The following MOCOS variants were observed in gnomAD, a reference collection of about 807,000 sequenced individuals.
MOCOS encodes molybdenum cofactor sulfurase, also known as human molybdenum cofactor sulfurase.
In MOCOS, 86 loss-of-function variants were observed where a neutral mutation model predicts 83.6. That is an observed-to-expected ratio of 1.03 (90% CI 0.86 to 1.23). The LOEUF is 1.23. Ranked by LOEUF, MOCOS falls within the 50% of genes most tolerant of loss-of-function variation. The pLI is 0.00. For synonymous variants in MOCOS, 445 were observed against 434.7 expected (o/e 1.02, Z -0.29); for missense variants, 1,120 against 1,126.9 (o/e 0.99, Z 0.09).
In MOCOS at chr18:36,200,091, G is replaced by T; in HGVS notation, c.708G>T (p.Leu236=). 2 of 1,614,186 alleles carry T rather than the reference G, an allele frequency of 1.2e-6. No homozygotes were observed. The highest frequency in any genetic ancestry group is 2.2e-5 in the South Asian group (2 of 91,076). The change falls in exon 4 of 15, where the codon CTG becomes CTT. Residue 236 remains leucine (L), a synonymous_variant. Coordinates refer to ENST00000261326, the MANE Select transcript of MOCOS (RefSeq NM_017947.4). The stretch of plus-strand genomic sequence containing the variant: ...GCACGCCTGGGAAGTGGTTTGTGCT[G>T]CTGGATGCAGCCTCCTACGTGAGCA... ...PVSTPGKWFV[L]LDAASYVSTS...
At chr18:36,192,895 C>T (rs2091371551) in intron 1 of MOCOS, among the ~76,000 whole-genome samples, 3 of 152,272 alleles carry the variant, frequency 2.0e-5, no homozygotes, top group Non-Finnish European at 4.4e-5. Context: ...ATGATCCACT[C>T]ACCTCAGCTT....
At chr18:36,224,279 T>C (rs1373354255) in intron 9 of MOCOS, among the ~76,000 whole-genome samples, 2 of 152,214 alleles carry the variant, frequency 1.3e-5, no homozygotes, top group Non-Finnish European at 2.9e-5. Flanking sequence ...ATGTCTTTTA[T>C]TTCTTTTTCT....
chr18:36,188,107 G>C (rs911538136), intron 1 of MOCOS, among the ~76,000 whole-genome samples: 11 of 152,216 alleles, frequency 7.2e-5, no homozygotes, highest in African/African-American at 1.7e-4. Context: ...GCCCGGGCTG[G>C]GACAGCACCT....
At chr18:36,199,539 G>A (rs2091402879) in intron 3 of MOCOS, 144 bp from the exon 4 acceptor site, 2 of 1,276,022 alleles carry the variant, frequency 1.6e-6, no homozygotes, top group Admixed American at 1.9e-5. Context: ...GGCTTCCATT[G>A]CCCTCGCCCT....
chr18:36,213,366 G>A lies in MOCOS; in HGVS notation c.1219G>A (p.Val407Met). 6.2e-7 allele frequency: 1 copy of A among 1,613,706 alleles called. No homozygotes were observed. The highest frequency in any genetic ancestry group is 1.3e-5 in the African/African-American group (1 of 75,040). Residue 407 changes from valine to methionine, a missense_variant and splice_region_variant, in exon 7 of 15, where the codon GTG becomes ATG. Val to Met is a conservative substitution (Grantham distance 21). Coordinates refer to ENST00000261326, the MANE Select transcript of MOCOS (RefSeq NM_017947.4). ...ATTCCATGTTACATTAAATCCGCAG[G>A]TGGACAAAATGGCCAGTCTTTACAA... ...DKGNIIGYSQ[V>M]DKMASLYNIH...
chr18:36,226,496 A>C (rs1213281146), intron 9 of MOCOS, among the ~76,000 whole-genome samples: 3 of 150,928 alleles, frequency 2.0e-5, no homozygotes, highest in Non-Finnish European at 4.4e-5. Context: ...TTATTCAGCC[A>C]CTCTAAGTCT....
At chr18:36,209,890 G>A (rs1414416185) in intron 6 of MOCOS, among the ~76,000 whole-genome samples, 1 of 152,162 alleles carries the variant, frequency 6.6e-6, no homozygotes, top group Non-Finnish European at 1.5e-5. Context: ...TTTTTGTAGA[G>A]ACAGGGTTTT....
chr18:36,248,558 A>C (rs1013571203), intron 9 of MOCOS, among the ~76,000 whole-genome samples: 1 of 152,192 alleles, frequency 6.6e-6, no homozygotes, highest in African/African-American at 2.4e-5. Context: ...TTCTTCTAGT[A>C]GTTTAATAAT....
chr18:36,263,862 T>A (rs566728003), intron 13 of MOCOS, among the ~76,000 whole-genome samples: 51 of 152,368 alleles, frequency 3.3e-4, no homozygotes, highest in South Asian at 6.2e-4. Flanking sequence ...GAAGATTTTT[T>A]AAGAAAATTG....
intron 9 of MOCOS, among the ~76,000 whole-genome samples, chr18:36,246,145 G>C (rs1392707723): frequency 1.3e-5 from 2 of 152,060 alleles, no homozygotes; most frequent in Admixed American, 1.3e-4. Context: ...TTTCCTCTTG[G>C]TTTAGATCCA....
At chr18:36,240,680 G>C (rs2091578280) in intron 9 of MOCOS, among the ~76,000 whole-genome samples, 1 of 152,286 alleles carries the variant, frequency 6.6e-6, no homozygotes, top group East Asian at 1.9e-4. Context: ...GAGCTTCCCA[G>C]CTGCTTTGTT....
intron 14 of MOCOS, 113 bp from the exon 15 acceptor site, chr18:36,268,420 T>C (rs1464203494): frequency 3.8e-6 from 5 of 1,310,606 alleles, no homozygotes; most frequent in Middle Eastern, 1.9e-4. Flanking sequence ...CAAGTCTCAG[T>C]ATATGTCTTT....
chr18:36,239,094 C>T (rs1405652874), intron 9 of MOCOS, among the ~76,000 whole-genome samples: 2 of 149,526 alleles, frequency 1.3e-5, no homozygotes, highest in East Asian at 2.0e-4. Flanking sequence ...ATCCAATTTG[C>T]CAGTCTGTGT....
At chr18:36,197,450 A>AT (rs5824002) in intron 2 of MOCOS, among the ~76,000 whole-genome samples, 108,706 of 149,780 alleles carry the variant, frequency 0.73, 39,486 homozygotes, top group Middle Eastern at 0.8. Flanking sequence ...GTGAGGAGAG[A>AT]TTTTTTTTTT....
intron 9 of MOCOS, among the ~76,000 whole-genome samples, chr18:36,223,758 T>C (rs982343500): frequency 6.6e-6 from 1 of 152,206 alleles, no homozygotes; most frequent in Non-Finnish European, 1.5e-5. Context: ...TAATTTCTTG[T>C]TTGTGTCTTA....
At chr18:36,251,774 G>C (rs2091623311) in intron 11 of MOCOS, among the ~76,000 whole-genome samples, 1 of 152,156 alleles carries the variant, frequency 6.6e-6, no homozygotes, top group Non-Finnish European at 1.5e-5. Flanking sequence ...GCCATTGTTA[G>C]GATGAAGTGA....
At chr18:36,266,292 C>T (rs960453675) in intron 13 of MOCOS, among the ~76,000 whole-genome samples, 31 of 152,022 alleles carry the variant, frequency 2.0e-4, no homozygotes, top group Non-Finnish European at 7.4e-5. Flanking sequence ...TGCATCACCA[C>T]GCCTGGGTAA....
Position 36,260,282 on chromosome 18 carries a change from C to G in MOCOS, c.2409+107C>G, listed in dbSNP as rs1259797088. The G allele has an allele frequency of 2.1e-6, 3 of 1,420,812 alleles. No individual in the cohort carries two copies. In the Admixed American group the frequency reaches 5.2e-5, roughly 25 times the overall value. 88.0% of individuals were successfully genotyped at this position (1,420,812 alleles called of 1,614,324 possible). A position where few individuals can be genotyped will look rare whatever the true frequency, so the allele number is the denominator to read the frequency against. On this transcript the variant is annotated intron_variant, in intron 13 of 14. Coordinates refer to ENST00000261326, the MANE Select transcript of MOCOS (RefSeq NM_017947.4). ...GGTGGGACTCCCTCCCAGTCCTTGT[C>G]TCTTAACTACAAAATCTTGGTGGGA...
intron 9 of MOCOS, among the ~76,000 whole-genome samples, chr18:36,238,033 T>C (rs1403628030): frequency 6.6e-6 from 1 of 151,904 alleles, no homozygotes; most frequent in African/African-American, 2.4e-5. Flanking sequence ...TTTTCTTCTT[T>C]ATTAGTCTTG....
Sources: allele counts gnomAD v4.1 joint callset (sites outside exome capture counted in the v4.1 genomes callset), GRCh38; gene constraint gnomAD v4.1.1; transcripts MANE v1.5; gene names NCBI Gene and HGNC (gene_info 2026-07-23, HGNC 2026-07-21).